Variants in TMEM132C observed in about 807,000 individuals in gnomAD.
TMEM132C encodes protein phosphatase 1, regulatory subunit 152.
In TMEM132C, 29 loss-of-function variants were observed where a neutral mutation model predicts 61.4. The observed-to-expected ratio is 0.47, with a 90% CI of 0.35 to 0.64. The LOEUF (loss-of-function observed/expected upper bound fraction) is 0.64, where lower values mean the gene tolerates loss of function less well. Ranked by LOEUF, TMEM132C falls within the 30% of genes least tolerant of loss-of-function variation. The pLI is 0.00. For missense variants in TMEM132C, 1,408 were observed against 1,476.9 expected (o/e 0.95, Z 0.76); for synonymous variants, 656 against 633.1 (o/e 1.04, Z -0.54).
At chr12:128,339,012 T>C (rs1872873289) in intron 1 of TMEM132C, among the ~76,000 whole-genome samples, 1 of 152,104 alleles carries the variant, frequency 6.6e-6, no homozygotes, top group South Asian at 2.1e-4. Context: ...TGTGTCTCTC[T>C]GAGTGCCCCT....
At chr12:128,671,024 G>A (rs1566010409) in intron 5 of TMEM132C, among the ~76,000 whole-genome samples, 1 of 152,144 alleles carries the variant, frequency 6.6e-6, no homozygotes, top group Non-Finnish European at 1.5e-5. Flanking sequence ...GGCCGATGGG[G>A]TAACTGTTTA....
At chr12:128,587,426 T>A (rs776577524) in intron 3 of TMEM132C, among the ~76,000 whole-genome samples, 2 of 152,196 alleles carry the variant, frequency 1.3e-5, no homozygotes, top group Non-Finnish European at 2.9e-5. Context: ...AGCCAAGTCA[T>A]GGAAGGCCCC....
chr12:128,510,071 G>C (rs1201893769), intron 2 of TMEM132C, among the ~76,000 whole-genome samples: 1 of 152,180 alleles, frequency 6.6e-6, no homozygotes, highest in African/African-American at 2.4e-5. Flanking sequence ...ACACTCCTGA[G>C]GCTGGTGACC....
chr12:128,569,422 T>C (rs1874800963), intron 3 of TMEM132C, among the ~76,000 whole-genome samples: 1 of 152,128 alleles, frequency 6.6e-6, no homozygotes, highest in African/African-American at 2.4e-5. Context: ...CAAAGACAGA[T>C]GTTAAAAGCA....
chr12:128,558,990 A>G (rs183491369), intron 3 of TMEM132C, among the ~76,000 whole-genome samples: 20 of 152,336 alleles, frequency 1.3e-4, no homozygotes, highest in Admixed American at 7.8e-4. Flanking sequence ...ACAGACTTAT[A>G]TACAAATATC....
At chr12:128,597,938 G>A (rs954223472) in intron 3 of TMEM132C, among the ~76,000 whole-genome samples, 5 of 152,186 alleles carry the variant, frequency 3.3e-5, no homozygotes, top group African/African-American at 7.2e-5. Flanking sequence ...AGGTCCCAGG[G>A]TAGCTGGAGC....
At chr12:128,486,122 G>A (rs927895521) in intron 2 of TMEM132C, among the ~76,000 whole-genome samples, 5 of 152,062 alleles carry the variant, frequency 3.3e-5, no homozygotes, top group Non-Finnish European at 7.4e-5. Flanking sequence ...TAGTCTACTC[G>A]GCGACACCTT....
chr12:128,507,488 C>T (rs997653289), intron 2 of TMEM132C, among the ~76,000 whole-genome samples: 17 of 148,912 alleles, frequency 1.1e-4, no homozygotes, highest in South Asian at 2.1e-4. Flanking sequence ...GGATTTCTCC[C>T]GAGGCACTGT....
At chr12:128,668,354 C>T (rs1011257172) in intron 4 of TMEM132C, among the ~76,000 whole-genome samples, 1 of 151,980 alleles carries the variant, frequency 6.6e-6, no homozygotes, top group Non-Finnish European at 1.5e-5. Context: ...ATTGTTTGGC[C>T]CTCTGAACAC....
intron 1 of TMEM132C, among the ~76,000 whole-genome samples, chr12:128,397,770 G>A (rs1387302776): frequency 6.6e-6 from 1 of 152,062 alleles, no homozygotes; most frequent in Admixed American, 6.5e-5. Context: ...ACAATGATTA[G>A]GGTGCAAGTC....
intron 2 of TMEM132C, among the ~76,000 whole-genome samples, chr12:128,527,958 G>A (rs1873148451): frequency 6.6e-6 from 1 of 152,082 alleles, no homozygotes; most frequent in African/African-American, 2.4e-5. Flanking sequence ...AAGAAGCATA[G>A]CAAAAGAATC....
chr12:128,474,910 G>T (rs1871104385), intron 2 of TMEM132C, among the ~76,000 whole-genome samples: 1 of 152,132 alleles, frequency 6.6e-6, no homozygotes, highest in South Asian at 2.1e-4. Flanking sequence ...CGGTTTTTCT[G>T]TATGTGACCA....
intron 8 of TMEM132C, 117 bp from the exon 9 acceptor site, chr12:128,704,973 C>A: frequency 1.8e-6 from 2 of 1,133,146 alleles, no homozygotes; most frequent in Non-Finnish European, 2.4e-6. Flanking sequence ...GATGCATGAG[C>A]TACTGGGTCT....
chr12:128,555,163 C>A (rs1874292639), intron 3 of TMEM132C, among the ~76,000 whole-genome samples: 1 of 152,140 alleles, frequency 6.6e-6, no homozygotes, highest in Non-Finnish European at 1.5e-5. Context: ...AAAAACAAAA[C>A]AAAACCCAAA....
At chr12:128,549,719 A>G (rs148252396) in intron 3 of TMEM132C, among the ~76,000 whole-genome samples, 35 of 152,262 alleles carry the variant, frequency 2.3e-4, no homozygotes, top group Non-Finnish European at 3.8e-4. Context: ...GTGAGGAAAG[A>G]AGAATCATAA....
rs1025057116 is a variant in TMEM132C, at chr12:128,697,457, G to A, written c.2121+42G>A. ...CAGAGGTTCAGAGGGAGCAGGGTCA[G>A]CCACTGTGCCTGCTTCAGCAAAGGG... On this transcript the variant is annotated intron_variant, in intron 8 of 8. Transcript: ENST00000435159. The A allele has an allele frequency of 4.0e-6, 6 of 1,488,854 alleles. No homozygotes were observed. In the African/African-American group the frequency reaches 4.2e-5, roughly 10 times the overall value. The allele number at this position is 1,488,854 out of a possible 1,614,324, so 92.2% of individuals were successfully genotyped here. A position where few individuals can be genotyped will look rare whatever the true frequency, so the allele number is the denominator to read the frequency against.
intron 4 of TMEM132C, among the ~76,000 whole-genome samples, chr12:128,658,678 A>G (rs892224739): frequency 2.6e-5 from 4 of 152,246 alleles, no homozygotes; most frequent in African/African-American, 9.6e-5. Flanking sequence ...GGATGCTTTC[A>G]GTAACACAAA....
At position 128,700,781 on chromosome 12, in the gene TMEM132C, A is replaced by C. The variant is rs148257500; in HGVS notation, c.2121+3366A>C. On this transcript the variant is annotated intron_variant, in intron 8 of 8. Coordinates refer to ENST00000435159, the MANE Select transcript of TMEM132C (RefSeq NM_001136103.3). The stretch of plus-strand genomic sequence containing the variant: ...TGCATGAGGTTGAGGCATTAGAAGG[A>C]CTTATTGGATTGTGTGATTCATCAG... Among the ~76,000 whole-genome samples the C allele has an allele frequency of 2.7e-3, 405 of 152,312 alleles. 1 individual carries two copies. The highest frequency in any genetic ancestry group is 9.3e-3 in the African/African-American group (385 of 41,564).
chr12:128,681,695 C>A (rs1954636415), intron 5 of TMEM132C, among the ~76,000 whole-genome samples: 1 of 147,238 alleles, frequency 6.8e-6, no homozygotes, highest in African/African-American at 2.5e-5. Flanking sequence ...ACCCTATCTC[C>A]CAGGCTGGAG....
Sources: allele counts gnomAD v4.1 joint callset (sites outside exome capture counted in the v4.1 genomes callset), GRCh38; gene constraint gnomAD v4.1.1; transcripts MANE v1.5; gene names NCBI Gene and HGNC (gene_info 2026-07-23, HGNC 2026-07-21).